Variants in SLC31A1 observed in about 807,000 individuals in gnomAD.
SLC31A1 encodes high affinity copper uptake protein 1.
SLC31A1 carries 5 observed loss-of-function variants against 17.2 expected under a neutral mutation model. The observed-to-expected ratio is 0.29, with a 90% confidence interval of 0.15 to 0.61. SLC31A1 has a LOEUF of 0.61. SLC31A1 is among the 20% of genes least tolerant of loss of function. The pLI is 0.86. For missense variants in SLC31A1, 161 were observed against 241.4 expected, an observed-to-expected ratio of 0.67 and a Z score of 2.21; for synonymous variants, 76 against 78.8, an observed-to-expected ratio of 0.96 and a Z score of 0.19.
intron 1 of SLC31A1, among the ~76,000 whole-genome samples, chr9:113,243,662 A>G (rs931594031): frequency 3.3e-5 from 5 of 152,144 alleles, no homozygotes; most frequent in Non-Finnish European, 7.3e-5. Flanking sequence ...TCCTCTGAGT[A>G]GTTGGGACTG....
rs575845082 is a variant in SLC31A1 at position 113,261,960 on chromosome 9, T to A, written c.*1487T>A. ...ATTGAGCTCCACCTGTGTGTATGTG[T>A]ACCCAAGCACACATGTGTGAAGGGC... On this transcript the variant is annotated 3_prime_UTR_variant, in exon 5 of 5. Transcript: ENST00000374212. 1 of 152,666 alleles carries A rather than the reference T, an allele frequency of 6.6e-6. No homozygotes were observed. The highest frequency in any genetic ancestry group is 1.5e-5 in the Non-Finnish European group (1 of 68,036). 9.5% of individuals were successfully genotyped at this position (152,666 alleles called of 1,614,324 possible). A position where few individuals can be genotyped will look rare whatever the true frequency, so the allele number is the denominator to read the frequency against.
intron 1 of SLC31A1, among the ~76,000 whole-genome samples, chr9:113,233,881 T>A (rs1831426064): frequency 6.6e-6 from 1 of 152,250 alleles, no homozygotes; most frequent in Non-Finnish European, 1.5e-5. Flanking sequence ...ATTTAGGATA[T>A]CCATCACCTT....
intron 1 of SLC31A1, among the ~76,000 whole-genome samples, chr9:113,230,792 G>A (rs1473872522): frequency 6.6e-6 from 1 of 152,004 alleles, no homozygotes; most frequent in African/African-American, 2.4e-5. Flanking sequence ...GGGAAGCTAG[G>A]GACCATAAAG....
chr9:113,251,632 C>T lies in SLC31A1; in HGVS notation c.-35-4482C>T, dbSNP rs191361001. 4.6e-5 allele frequency among the ~76,000 whole-genome samples: 7 copies of T among 152,008 alleles called. No homozygotes were observed. The East Asian group carries it at 1.4e-3, about 29-fold the overall frequency. ...CTAGAGAGAATGGGTTAGGTGTGTT[C>T]GATTGCTTTAGAAGATAACTTATCC... On this transcript the variant is annotated intron_variant, in intron 1 of 4. Coordinates refer to ENST00000374212, the MANE Select transcript of SLC31A1 (RefSeq NM_001859.4).
intron 1 of SLC31A1, among the ~76,000 whole-genome samples, chr9:113,253,372 C>T (rs1211513792): frequency 1.3e-5 from 2 of 152,096 alleles, no homozygotes; most frequent in Non-Finnish European, 2.9e-5. Context: ...CAGCTGCCCA[C>T]CTGCCATTTG....
chr9:113,255,960 A>G lies in SLC31A1; in HGVS notation c.-35-154A>G, dbSNP rs1251972942. The stretch of plus-strand genomic sequence containing the variant: ...CCTAGATCAGAAATGGAGCAGGTCA[A>G]AACTCCTGTACTGATCAGTAGTGGG... On this transcript the variant is annotated intron_variant, in intron 1 of 4. Transcript: ENST00000374212. The G allele has an allele frequency of 6.9e-6, 3 of 434,254 alleles. No homozygotes were observed. The Admixed American group carries it at 1.1e-4, about 17-fold the overall frequency. The allele number at this position is 434,254 out of a possible 1,614,324, so 26.9% of individuals were successfully genotyped here.
chr9:113,224,225 G>A (rs998316421), intron 1 of SLC31A1, among the ~76,000 whole-genome samples: 6 of 152,280 alleles, frequency 3.9e-5, no homozygotes, highest in South Asian at 4.1e-4. Flanking sequence ...CATCTAAAAT[G>A]TTTACTTTTG....
rs1831781369 is a variant in SLC31A1 at position 113,260,579 on chromosome 9, G to GCACA, written c.*106_*107insCACA. On this transcript the variant is annotated 3_prime_UTR_variant, in exon 5 of 5. Transcript: ENST00000374212. ...TCCCTTCTTGCTCCTCTTTGTGCAC[G>GCACA]TACACACACACACACACACACACAC... 1 of 590,126 alleles carries GCACA rather than the reference G, an allele frequency of 1.7e-6. No individual in the cohort carries two copies. Among genetic ancestry groups the GCACA allele is most frequent in the Non-Finnish European group, 2.8e-6 (1 of 352,632 alleles). 36.6% of individuals were successfully genotyped at this position (590,126 alleles called of 1,614,324 possible). A position where few individuals can be genotyped will look rare whatever the true frequency, so the allele number is the denominator to read the frequency against.
intron 1 of SLC31A1, among the ~76,000 whole-genome samples, chr9:113,237,645 T>C (rs554623935): frequency 6.6e-6 from 1 of 152,368 alleles, no homozygotes; most frequent in East Asian, 1.9e-4. Context: ...CTAACTGCCC[T>C]GTGACCTTGG....
Position 113,260,579 on chromosome 9 carries a change from G to GGACA in SLC31A1, c.*106_*107insGACA. ...TCCCTTCTTGCTCCTCTTTGTGCACGTACACACACACACACACACACACAC... is the reference window on the plus strand; with the variant it reads ...TCCCTTCTTGCTCCTCTTTGTGCACGGACATACACACACACACACACACACACAC... On this transcript the variant is annotated 3_prime_UTR_variant, in exon 5 of 5. Coordinates refer to ENST00000374212, the MANE Select transcript of SLC31A1 (RefSeq NM_001859.4). The GGACA allele has an allele frequency of 4.7e-5, 28 of 590,052 alleles. No individual in the cohort carries two copies. Among genetic ancestry groups the GGACA allele is most frequent in the Non-Finnish European group, 5.1e-5 (18 of 352,576 alleles). The allele number at this position is 590,052 out of a possible 1,614,324, so 36.6% of individuals were successfully genotyped here.
chr9:113,237,604 C>A (rs1831476112), intron 1 of SLC31A1, among the ~76,000 whole-genome samples: 1 of 152,182 alleles, frequency 6.6e-6, no homozygotes, highest in Non-Finnish European at 1.5e-5. Flanking sequence ...GGCTTGAGGT[C>A]AGAATCAGGC....
chr9:113,257,222 T>C, intron 3 of SLC31A1, 37 bp downstream of exon 3: 3 of 1,538,844 alleles, frequency 1.9e-6, no homozygotes, highest in Non-Finnish European at 2.7e-6. Flanking sequence ...AAGGTGATAG[T>C]CACATGAGAG....
chr9:113,222,740 G>A (rs1190909257), intron 1 of SLC31A1, among the ~76,000 whole-genome samples: 1 of 152,178 alleles, frequency 6.6e-6, no homozygotes. Context: ...CACTAGAACC[G>A]GAACTGGAAC....
chr9:113,259,189 G>A (rs1468700588), intron 4 of SLC31A1, among the ~76,000 whole-genome samples: 2 of 152,154 alleles, frequency 1.3e-5, no homozygotes, highest in East Asian at 3.9e-4. Context: ...TAAAAGAATG[G>A]CAGATTGCAG....
In SLC31A1 at chr9:113,258,623, G is replaced by T; in HGVS notation, c.203-71G>T. On this transcript the variant is annotated intron_variant, in intron 3 of 4. Coordinates refer to ENST00000374212, the MANE Select transcript of SLC31A1 (RefSeq NM_001859.4). This position sits in a 1 kb window ranked among gnomAD's most constrained non-coding sequence, Gnocchi z 4.8. ...AGCATTTTTTCTATGTGTCTTTCTA[G>T]CTGGACAGCACATTGGCTAATGATT... is the stretch of plus-strand genomic sequence containing the variant. The T allele has an allele frequency of 6.5e-7, 1 of 1,534,082 alleles. No individual in the cohort carries two copies. The highest frequency in any genetic ancestry group is 1.4e-5 in the African/African-American group (1 of 73,384).
At chr9:113,243,600 G>A (rs1425656882) in intron 1 of SLC31A1, among the ~76,000 whole-genome samples, 3 of 151,132 alleles carry the variant, frequency 2.0e-5, no homozygotes, top group Non-Finnish European at 4.4e-5. Context: ...GGGGGTGGGT[G>A]TGGGTCTCAC....
Position 113,262,014 on chromosome 9 carries a change from A to G in SLC31A1, c.*1541A>G, listed in dbSNP as rs889158952. ...AGCCAAAGTATTTTTACTAGCCTGT[A>G]TGAAATCACTAGTCCTTATTTTTAA... On this transcript the variant is annotated 3_prime_UTR_variant, in exon 5 of 5. Coordinates refer to ENST00000374212, the MANE Select transcript of SLC31A1 (RefSeq NM_001859.4). 8 of 152,680 alleles carry G rather than the reference A, an allele frequency of 5.2e-5. No individual in the cohort carries two copies. The highest frequency in any genetic ancestry group is 1.0e-4 in the Non-Finnish European group (7 of 68,050). The allele number at this position is 152,680 out of a possible 1,614,324, so 9.5% of individuals were successfully genotyped here.
intron 1 of SLC31A1, among the ~76,000 whole-genome samples, chr9:113,253,695 A>C (rs1831688025): frequency 1.3e-5 from 2 of 151,552 alleles, no homozygotes; most frequent in African/African-American, 4.9e-5. Flanking sequence ...CTGGGATTAC[A>C]GGCGCGTGCC....
At chr9:113,226,540 G>A (rs1228751092) in intron 1 of SLC31A1, among the ~76,000 whole-genome samples, 1 of 152,020 alleles carries the variant, frequency 6.6e-6, no homozygotes, top group Non-Finnish European at 1.5e-5. Context: ...AAGCAGAGGA[G>A]GGGCCCATCC....
Sources: gnomAD v4.1 joint callset for allele counts (sites outside exome capture counted in the v4.1 genomes callset) on GRCh38, gnomAD v4.1.1 for gene constraint, Gnocchi (gnomAD v3.1) non-coding constraint, MANE v1.5 for transcripts, NCBI Gene and HGNC (gene_info 2026-07-23, HGNC 2026-07-21) for gene names.